EVC: variants seen among roughly 807,000 people sequenced by gnomAD.
EVC encodes the protein EvC ciliary complex subunit 1.
A neutral mutation model predicts 118.9 loss-of-function variants in EVC; 116 were observed. The observed-to-expected ratio is 0.98, with a 90% CI of 0.84 to 1.14. The LOEUF (loss-of-function observed/expected upper bound fraction) is 1.14. Among genes scored for constraint, EVC ranks in the 50% most tolerant of loss-of-function variants. EVC has a pLI of 0.00. For synonymous variants in EVC, 619 were observed against 534.7 expected (o/e 1.16, Z -2.18); for missense variants, 1,401 against 1,246.4 (o/e 1.12, Z -1.87).
intron 8 of EVC, chr4:5,752,616 T>A: frequency 1.6e-6 from 1 of 620,632 alleles, no homozygotes; most frequent in Non-Finnish European, 2.9e-6. Context: ...CTAAGCTGCG[T>A]CAGCCTCCCC....
At chr4:5,780,707 G>A (rs1469116979) in intron 11 of EVC, among the ~76,000 whole-genome samples, 1 of 152,158 alleles carries the variant, frequency 6.6e-6, no homozygotes, top group Non-Finnish European at 1.5e-5. Flanking sequence ...GTGGGTGCTG[G>A]AAGGGCAGCA....
At chr4:5,740,583 A>G (rs990271665) in intron 5 of EVC, among the ~76,000 whole-genome samples, 51 of 152,300 alleles carry the variant, frequency 3.3e-4, no homozygotes, top group Middle Eastern at 3.4e-3. Flanking sequence ...AGAAGGAAAA[A>G]TTAACTGGAA....
At chr4:5,727,534 C>T (rs199825282) in intron 2 of EVC, among the ~76,000 whole-genome samples, 159 of 145,724 alleles carry the variant, frequency 1.1e-3, no homozygotes, top group East Asian at 1.7e-3. Context: ...CCTGTTCACT[C>T]TGATGGTAGT....
intron 11 of EVC, among the ~76,000 whole-genome samples, chr4:5,764,273 G>C (rs1195467413): frequency 7.3e-6 from 1 of 137,760 alleles, no homozygotes; most frequent in Non-Finnish European, 1.6e-5. Context: ...TGGTGGATAA[G>C]CTTTTTGATG....
chr4:5,758,154 G>T (rs1274879842), intron 11 of EVC: 2 of 701,504 alleles, frequency 2.9e-6, no homozygotes, highest in African/African-American at 3.5e-5. Flanking sequence ...GAGTGATGCA[G>T]CCACAAGCCG....
chr4:5,741,690 T>C lies in EVC; in HGVS notation c.703-26T>C, dbSNP rs781448983. On this transcript the variant is annotated intron_variant, in intron 5 of 20. Transcript: ENST00000264956. Reference sequence around the variant, plus strand: ...AATACCATTGATTAAACTTTTCTTTTGTTATCTTTCCTTTCTTGGCAATAG... The same window carrying C: ...AATACCATTGATTAAACTTTTCTTTCGTTATCTTTCCTTTCTTGGCAATAG... 4 of 1,392,290 alleles carry C rather than the reference T, an allele frequency of 2.9e-6. No individual in the cohort carries two copies. In the African/African-American group the frequency reaches 5.7e-5, roughly 20 times the overall value. 86.2% of individuals were successfully genotyped at this position (1,392,290 alleles called of 1,614,324 possible). A position where few individuals can be genotyped will look rare whatever the true frequency, so the allele number is the denominator to read the frequency against.
At chr4:5,713,539 T>C (rs913698477) in intron 1 of EVC, among the ~76,000 whole-genome samples, 1 of 151,970 alleles carries the variant, frequency 6.6e-6, no homozygotes, top group Admixed American at 6.6e-5. Context: ...TTAGCTGGCA[T>C]AGTGGCAGGA....
intron 5 of EVC, among the ~76,000 whole-genome samples, chr4:5,735,244 G>A (rs1467646901): frequency 2.6e-5 from 4 of 152,234 alleles, no homozygotes; most frequent in African/African-American, 9.6e-5. Context: ...ATGCGAGTGT[G>A]AAGGGGGCAC....
intron 11 of EVC, among the ~76,000 whole-genome samples, chr4:5,780,663 A>C (rs1427770358): frequency 6.6e-6 from 1 of 152,214 alleles, no homozygotes; most frequent in African/African-American, 2.4e-5. Context: ...GTCCATGAGA[A>C]GGACAATCAT....
downstream of EVC, among the ~76,000 whole-genome samples, chr4:5,815,374 C>T (rs1240204326): frequency 1.1e-4 from 16 of 152,136 alleles, no homozygotes; most frequent in Non-Finnish European, 1.8e-4. Context: ...AGCATTCCAA[C>T]GTAACGTGCA....
At chr4:5,794,397 T>G (rs1025347435) in intron 13 of EVC, among the ~76,000 whole-genome samples, 1 of 128,714 alleles carries the variant, frequency 7.8e-6, no homozygotes, top group African/African-American at 2.6e-5. Flanking sequence ...ATTTTTTATA[T>G]ATATATATAT....
chr4:5,808,196 C>G lies in EVC; in HGVS notation c.2562-5C>G, dbSNP rs747812027. ...CTGCCAGCCTGCCTGCCTTCCTCCC[C>G]CCAGGATGCTGTCCCAGCAGAAGAG... On this transcript the variant is annotated splice_polypyrimidine_tract_variant and splice_region_variant and intron_variant, in intron 17 of 20. Transcript: ENST00000264956. The G allele has an allele frequency of 1.5e-5, 23 of 1,549,688 alleles. No individual in the cohort carries two copies. Among genetic ancestry groups the G allele is most frequent in the South Asian group, 3.4e-5 (3 of 88,978 alleles).
intron 2 of EVC, 51 bp from the exon 3 acceptor site, chr4:5,729,256 T>C (rs1278750310): frequency 2.5e-6 from 4 of 1,573,152 alleles, no homozygotes; most frequent in Non-Finnish European, 3.5e-6. Flanking sequence ...TGACAACTTA[T>C]CCTTCATTTT....
chr4:5,735,551 G>A (rs947361331), intron 5 of EVC, among the ~76,000 whole-genome samples: 7 of 152,208 alleles, frequency 4.6e-5, no homozygotes, highest in African/African-American at 1.7e-4. Context: ...TATCACAGCT[G>A]TGTGGCTGGC....
chr4:5,823,969 C>T, the EVC span, among the ~76,000 whole-genome samples: 1 of 152,174 alleles, frequency 6.6e-6, no homozygotes, highest in Non-Finnish European at 1.5e-5. Context: ...CAAATGAAGT[C>T]ACCTATCAAC....
intron 2 of EVC, among the ~76,000 whole-genome samples, chr4:5,726,243 T>C (rs1725789620): frequency 6.6e-6 from 1 of 152,228 alleles, no homozygotes; most frequent in African/African-American, 2.4e-5. Flanking sequence ...GCAGTTTTCT[T>C]CCATCAGTGT....
chr4:5,727,186 CA>C (rs1367261485), intron 2 of EVC, among the ~76,000 whole-genome samples: 1 of 151,916 alleles, frequency 6.6e-6, no homozygotes, highest in Non-Finnish European at 1.5e-5. Context: ...ACAGTCCCAC[CA>C]ACAGTGTAAA....
downstream of EVC, among the ~76,000 whole-genome samples, chr4:5,818,557 A>C (rs1718024889): frequency 6.6e-6 from 1 of 152,118 alleles, no homozygotes; most frequent in African/African-American, 2.4e-5. Flanking sequence ...TGAATGGATT[A>C]ATTCATTCAT....
intron 11 of EVC, among the ~76,000 whole-genome samples, chr4:5,757,659 G>T (rs761843157): frequency 6.6e-6 from 1 of 152,172 alleles, no homozygotes; most frequent in Non-Finnish European, 1.5e-5. Flanking sequence ...GGGCAGGGGA[G>T]AGAATGAAAG....
Sources: allele counts gnomAD v4.1 joint callset (sites outside exome capture counted in the v4.1 genomes callset), GRCh38; gene constraint gnomAD v4.1.1; transcripts MANE v1.5; gene names NCBI Gene and HGNC (gene_info 2026-07-23, HGNC 2026-07-21).